Variants in UTP18 observed in about 807,000 individuals in gnomAD.
UTP18 encodes the protein U3 small nucleolar RNA-associated protein 18 homolog.
UTP18 carries 36 observed loss-of-function variants against 61.1 expected under a neutral mutation model. The observed-to-expected ratio is 0.59, with a 90% CI of 0.45 to 0.78. UTP18 has a LOEUF of 0.78. UTP18 is among the 30% of genes least tolerant of loss of function. The pLI is 0.00. For synonymous variants in UTP18, 282 were observed against 251.1 expected (o/e 1.12, Z -1.16); for missense variants, 753 against 693.9 (o/e 1.09, Z -0.96).
chr17:51,291,736 C>G (rs890717869), intron 11 of UTP18, among the ~76,000 whole-genome samples: 3 of 144,672 alleles, frequency 2.1e-5, no homozygotes, highest in African/African-American at 7.6e-5. Context: ...GAGACTTGAT[C>G]TCAAAAAAAA....
chr17:51,265,904 G>T (rs1049399697), intron 2 of UTP18, among the ~76,000 whole-genome samples: 1 of 152,020 alleles, frequency 6.6e-6, no homozygotes, highest in Non-Finnish European at 1.5e-5. Flanking sequence ...ATTTACTTGG[G>T]GTTTATTTTG....
intron 1 of UTP18, among the ~76,000 whole-genome samples, chr17:51,261,364 T>C (rs2055474923): frequency 6.6e-6 from 1 of 152,228 alleles, no homozygotes; most frequent in Non-Finnish European, 1.5e-5. Context: ...CATGTGACTA[T>C]GAGACCCACC....
chr17:51,280,948 C>T (rs566735462), intron 9 of UTP18, among the ~76,000 whole-genome samples: 4 of 151,618 alleles, frequency 2.6e-5, no homozygotes, highest in South Asian at 4.2e-4. Flanking sequence ...GAGGCTGAGG[C>T]GAGTGGATCG....
At chr17:51,280,566 C>A in intron 9 of UTP18, 87 bp downstream of exon 9, 1 of 1,296,276 alleles carries the variant, frequency 7.7e-7, no homozygotes, top group South Asian at 1.3e-5. Flanking sequence ...GTAATCCCAC[C>A]ACTTTGGGAG....
intron 11 of UTP18, among the ~76,000 whole-genome samples, chr17:51,289,494 G>T (rs757075412): frequency 6.6e-6 from 1 of 151,356 alleles, no homozygotes; most frequent in Non-Finnish European, 1.5e-5. Context: ...GGAGTGAGCC[G>T]CCGTGCCCAG....
chr17:51,273,285 T>C (rs969565653), intron 4 of UTP18, 77 bp from the exon 5 acceptor site: 8 of 1,040,996 alleles, frequency 7.7e-6, no homozygotes, highest in East Asian at 5.6e-5. Context: ...TGAAAATATA[T>C]TCATAGAAGT....
chr17:51,292,492 C>G (rs1905263249), intron 11 of UTP18, among the ~76,000 whole-genome samples: 1 of 152,246 alleles, frequency 6.6e-6, no homozygotes, highest in African/African-American at 2.4e-5. Flanking sequence ...ATGTGACTGA[C>G]TGAAACCAGT....
chr17:51,280,555 T>C, intron 9 of UTP18, 76 bp downstream of exon 9: 1 of 1,408,902 alleles, frequency 7.1e-7, no homozygotes, highest in Non-Finnish European at 9.9e-7. Context: ...GGCTCACGTG[T>C]GTAATCCCAC....
chr17:51,262,157 C>T (rs1453275752), intron 1 of UTP18, among the ~76,000 whole-genome samples: 2 of 151,918 alleles, frequency 1.3e-5, no homozygotes. Flanking sequence ...TCTCGGCTCA[C>T]TGCAACCTCC....
At chr17:51,269,839 T>TTGTG (rs58180688) in intron 4 of UTP18, among the ~76,000 whole-genome samples, 12,180 of 137,610 alleles carry the variant, frequency 0.089, 559 homozygotes, top group East Asian at 0.14. Flanking sequence ...AAATAATGTA[T>TTGTG]TGTGTGTGTG....
chr17:51,296,765 A>G (rs946321153), intron 12 of UTP18, 200 bp from the exon 13 acceptor site: 4 of 515,866 alleles, frequency 7.8e-6, no homozygotes, highest in African/African-American at 6.0e-5. Context: ...GAGTAAGCCT[A>G]CTCATGTTAC....
At chr17:51,286,421 A>G in intron 10 of UTP18, 1 of 453,104 alleles carries the variant, frequency 2.2e-6, no homozygotes. Flanking sequence ...TGGGAAGTCA[A>G]GGGGTCTTGT....
chr17:51,281,822 C>G (rs1312608831), intron 9 of UTP18, among the ~76,000 whole-genome samples: 1 of 152,000 alleles, frequency 6.6e-6, no homozygotes, highest in African/African-American at 2.4e-5. Flanking sequence ...GTAGTCCTAC[C>G]TTTCTTAAAA....
rs1171456083 is a variant in UTP18 at position 51,285,372 on chromosome 17, A to G, written c.1328+4A>G. The G allele has an allele frequency of 1.9e-6, 3 of 1,612,272 alleles. No homozygotes were observed. The Admixed American group carries it at 5.0e-5, about 27-fold the overall frequency. On this transcript the variant is annotated splice_donor_region_variant and intron_variant, in intron 10 of 13. Coordinates refer to ENST00000225298, the MANE Select transcript of UTP18 (RefSeq NM_016001.3). ...ATGGACAGTATGTTGCTTGTGGGTAAGTAAAGAGAGGTTCTTGTAACCTTA... is the reference window on the plus strand; with the variant it reads ...ATGGACAGTATGTTGCTTGTGGGTAGGTAAAGAGAGGTTCTTGTAACCTTA...
intron 3 of UTP18, among the ~76,000 whole-genome samples, chr17:51,268,234 G>C (rs1001766351): frequency 3.3e-5 from 5 of 152,062 alleles, no homozygotes; most frequent in Non-Finnish European, 5.9e-5. Flanking sequence ...CACCATGTTA[G>C]CCAGGATGGT....
chr17:51,269,045 G>T, intron 4 of UTP18, 141 bp downstream of exon 4: 1 of 765,082 alleles, frequency 1.3e-6, no homozygotes, highest in Non-Finnish European at 2.1e-6. Context: ...CCAGTGCTTT[G>T]GGAGCCCGAG....
intron 4 of UTP18, among the ~76,000 whole-genome samples, chr17:51,269,173 A>G (rs772876727): frequency 2.6e-5 from 4 of 151,630 alleles, no homozygotes; most frequent in Non-Finnish European, 4.4e-5. Flanking sequence ...TGTAGTCCCG[A>G]CTACTTGGGG....
At chr17:51,294,951 C>T (rs1245638228) in intron 12 of UTP18, among the ~76,000 whole-genome samples, 1 of 152,154 alleles carries the variant, frequency 6.6e-6, no homozygotes, top group East Asian at 1.9e-4. Context: ...CTCTGATGGC[C>T]AGTGATGATG....
intron 10 of UTP18, 106 bp downstream of exon 10, chr17:51,285,474 A>G (rs1182624965): frequency 7.4e-7 from 1 of 1,344,876 alleles, no homozygotes; most frequent in African/African-American, 1.5e-5. Context: ...TTTATAAACT[A>G]TTCAGTAATA....
Sources: allele counts gnomAD v4.1 joint callset (sites outside exome capture counted in the v4.1 genomes callset), GRCh38; gene constraint gnomAD v4.1.1; transcripts MANE v1.5; gene names NCBI Gene and HGNC (gene_info 2026-07-23, HGNC 2026-07-21).